Variants in FNBP1 observed in about 807,000 individuals in gnomAD.
FNBP1 encodes the protein formin-binding protein 1.
FNBP1 carries 26 observed loss-of-function variants against 90.6 expected under a neutral mutation model. The observed-to-expected ratio is 0.29, with a 90% CI of 0.21 to 0.40. The LOEUF is 0.40. Ranked by LOEUF, FNBP1 falls within the 10% of genes least tolerant of loss-of-function variation. The pLI, the probability that FNBP1 is intolerant of heterozygous loss-of-function variation, is 1.00. For missense variants in FNBP1, 635 were observed against 768.0 expected (o/e 0.83, Z 2.05); for synonymous variants, 260 against 265.2 (o/e 0.98, Z 0.19).
intron 11 of FNBP1, among the ~76,000 whole-genome samples, chr9:129,910,799 C>T (rs1053054534): frequency 5.9e-5 from 9 of 151,928 alleles, no homozygotes; most frequent in Non-Finnish European, 1.3e-4. Flanking sequence ...GACCTTTCAG[C>T]TAATGTTCTC....
intron 11 of FNBP1, among the ~76,000 whole-genome samples, chr9:129,909,267 G>A (rs895064014): frequency 1.3e-5 from 2 of 152,220 alleles, no homozygotes; most frequent in Non-Finnish European, 1.5e-5. Flanking sequence ...AGGAGAGTAA[G>A]AGATACTTCT....
chr9:130,023,411 G>A (rs976306165), intron 1 of FNBP1, among the ~76,000 whole-genome samples: 2 of 152,172 alleles, frequency 1.3e-5, no homozygotes, highest in South Asian at 2.1e-4. Flanking sequence ...CCAGGAGGTC[G>A]GGATTGCACA....
Position 130,043,086 on chromosome 9 carries a change from T to A in FNBP1, c.-111A>T. On this transcript the variant is annotated 5_prime_UTR_variant, in exon 1 of 17. Transcript: ENST00000446176. ...CCCCGCGACGGCGGAAAGCCCGGAG[T>A]CCGCGCGGCCTCCTCCGGCTCGCAG... is the stretch of plus-strand genomic sequence containing the variant. The A allele has an allele frequency of 9.6e-7, 1 of 1,043,536 alleles. No homozygotes were observed. The highest frequency in any genetic ancestry group is 1.2e-6 in the Non-Finnish European group (1 of 821,108). The allele number at this position is 1,043,536 out of a possible 1,614,324, so 64.6% of individuals were successfully genotyped here. A position where few individuals can be genotyped will look rare whatever the true frequency, so the allele number is the denominator to read the frequency against.
intron 4 of FNBP1, among the ~76,000 whole-genome samples, chr9:129,962,545 A>G (rs2047991877): frequency 6.6e-6 from 1 of 152,208 alleles, no homozygotes; most frequent in African/African-American, 2.4e-5. Context: ...TGACAACTGG[A>G]AAGGCTGGGA....
chr9:129,990,988 C>T (rs939444369), intron 2 of FNBP1, among the ~76,000 whole-genome samples: 1 of 142,662 alleles, frequency 7.0e-6, no homozygotes. Context: ...GGCTGGAGTG[C>T]AGTGGCACAA....
At position 129,987,342 on chromosome 9, in the gene FNBP1, G is replaced by A. The variant is rs1033219674; in HGVS notation, c.140+7501C>T. Among the ~76,000 whole-genome samples the A allele has an allele frequency of 5.3e-5, 8 of 151,962 alleles. 1 individual carries two copies. The highest frequency in any genetic ancestry group is 1.5e-4 in the African/African-American group (6 of 41,300). ...ACTCTACGTTCAAATATAGAACCAC[G>A]ACAAATCAACTGAGGGCCTCGGGTT... is the stretch of plus-strand genomic sequence containing the variant. On this transcript the variant is annotated intron_variant, in intron 2 of 16. Transcript: ENST00000446176.
chr9:129,900,151 A>C lies in FNBP1; in HGVS notation c.1551-50T>G, dbSNP rs1351038951. On this transcript the variant is annotated intron_variant, in intron 14 of 16. Coordinates refer to ENST00000446176, the MANE Select transcript of FNBP1 (RefSeq NM_015033.3). This position sits in a 1 kb window ranked among gnomAD's most constrained non-coding sequence, Gnocchi z 4.1. ...GCAACTAAAGCGACTGACCCCAGGG[A>C]GGACTCAGATTGAGTCCCTGCGACT... The C allele has an allele frequency of 5.9e-6, 9 of 1,531,890 alleles. No individual in the cohort carries two copies. Among genetic ancestry groups the C allele is most frequent in the Non-Finnish European group, 7.9e-6 (9 of 1,138,968 alleles). The allele number at this position is 1,531,890 out of a possible 1,614,324, so 94.9% of individuals were successfully genotyped here.
At chr9:129,982,219 T>TC (rs1695684821) in intron 2 of FNBP1, among the ~76,000 whole-genome samples, 1 of 152,192 alleles carries the variant, frequency 6.6e-6, no homozygotes, top group Non-Finnish European at 1.5e-5. Context: ...ATGCCTGTAA[T>TC]CCCAGCACTT....
chr9:130,007,841 C>T (rs965456856), intron 1 of FNBP1, among the ~76,000 whole-genome samples: 2 of 151,954 alleles, frequency 1.3e-5, no homozygotes, highest in African/African-American at 2.4e-5. Context: ...AATGGCAAAA[C>T]CCCGTCTCTA....
intron 1 of FNBP1, among the ~76,000 whole-genome samples, chr9:130,000,320 G>A (rs2054634421): frequency 6.6e-6 from 1 of 151,844 alleles, no homozygotes. Context: ...GTGAAACCCC[G>A]TCTTTACTAA....
chr9:130,014,957 T>C (rs1156647773), intron 1 of FNBP1, among the ~76,000 whole-genome samples: 1 of 151,320 alleles, frequency 6.6e-6, no homozygotes, highest in East Asian at 1.9e-4. Context: ...GACTTCACCC[T>C]TGGGGGAAAA....
chr9:129,965,769 G>C (rs964836483), intron 4 of FNBP1, among the ~76,000 whole-genome samples: 3 of 118,084 alleles, frequency 2.5e-5, no homozygotes, highest in African/African-American at 9.5e-5. Flanking sequence ...TGAAGGAAGG[G>C]AGGGAAGGGA....
chr9:130,025,041 G>A (rs1410419701), intron 1 of FNBP1, among the ~76,000 whole-genome samples: 1 of 152,002 alleles, frequency 6.6e-6, no homozygotes, highest in Non-Finnish European at 1.5e-5. Context: ...TTAGCCGGGC[G>A]TGGTGGTGCA....
At chr9:129,990,345 C>T (rs1374584252) in intron 2 of FNBP1, among the ~76,000 whole-genome samples, 3 of 152,216 alleles carry the variant, frequency 2.0e-5, no homozygotes, top group South Asian at 2.1e-4. Flanking sequence ...GGCTAAGGGA[C>T]GAGGTGGGCC....
At chr9:129,963,558 G>T (rs2048135264) in intron 4 of FNBP1, among the ~76,000 whole-genome samples, 1 of 150,142 alleles carries the variant, frequency 6.7e-6, no homozygotes, top group Admixed American at 6.6e-5. Flanking sequence ...AATTATCATC[G>T]TACCATTTCA....
chr9:129,976,141 C>T (rs2130837598), intron 4 of FNBP1, among the ~76,000 whole-genome samples: 1 of 152,232 alleles, frequency 6.6e-6, no homozygotes, highest in South Asian at 2.1e-4. Context: ...AATGAATGGT[C>T]CAGCAGAAAC....
intron 10 of FNBP1, among the ~76,000 whole-genome samples, chr9:129,921,338 A>G (rs1245034492): frequency 1.3e-5 from 2 of 149,674 alleles, no homozygotes; most frequent in Admixed American, 1.3e-4. Context: ...CTCTCATCCC[A>G]GCCTCCGCTA....
Position 130,004,244 on chromosome 9 carries a change from T to G in FNBP1, c.25-9286A>C, listed in dbSNP as rs141369970. Among the ~76,000 whole-genome samples, 5 of 150,368 alleles carry G rather than the reference T, an allele frequency of 3.3e-5. No homozygotes were observed. In the East Asian group the frequency reaches 9.8e-4, roughly 30 times the overall value. The stretch of plus-strand genomic sequence containing the variant: ...CGCCACTGTACTCCAGCCTGGGTGA[T>G]AGGGCAAGACTCCATCTCGAAAAAA... On this transcript the variant is annotated intron_variant, in intron 1 of 16. Coordinates refer to ENST00000446176, the MANE Select transcript of FNBP1 (RefSeq NM_015033.3).
intron 15 of FNBP1, among the ~76,000 whole-genome samples, 150 bp downstream of exon 15, chr9:129,899,797 AGGAAGGGGAAGGGGAAGG>A (rs149093701): frequency 1.5e-5 from 2 of 133,424 alleles, no homozygotes; most frequent in Admixed American, 7.5e-5. Flanking sequence ...AAGGGAAGGA[AGGAAGGGGAAGGGGAAGG>A]GGAAGGGGAA....
Sources: allele counts gnomAD v4.1 joint callset (sites outside exome capture counted in the v4.1 genomes callset), GRCh38; gene constraint gnomAD v4.1.1; non-coding constraint Gnocchi (gnomAD v3.1); transcripts MANE v1.5; gene names NCBI Gene and HGNC (gene_info 2026-07-23, HGNC 2026-07-21).